OSBPL8: variants seen among roughly 807,000 people sequenced by gnomAD.
OSBPL8 encodes oxysterol-binding protein-related protein 8.
OSBPL8 carries 59 observed loss-of-function variants against 125.5 expected under a neutral mutation model. The ratio of observed to expected loss-of-function variants is 0.47; its 90% CI spans 0.38 to 0.58. The LOEUF (loss-of-function observed/expected upper bound fraction) is 0.58. Among genes scored for constraint, OSBPL8 ranks in the 20% least tolerant of loss-of-function variants. The pLI is 0.00. For synonymous variants in OSBPL8, 330 were observed against 338.9 expected (o/e 0.97, Z 0.29); for missense variants, 758 against 1,047.8 (o/e 0.72, Z 3.82).
chr12:76,445,638 G>A (rs1036483696), intron 4 of OSBPL8, among the ~76,000 whole-genome samples: 1 of 152,132 alleles, frequency 6.6e-6, no homozygotes, highest in South Asian at 2.1e-4. Flanking sequence ...CATCAGTAAT[G>A]AGGGAAATGT....
chr12:76,459,403 C>T (rs576175055), intron 3 of OSBPL8, among the ~76,000 whole-genome samples: 2 of 152,246 alleles, frequency 1.3e-5, no homozygotes, highest in East Asian at 3.9e-4. Context: ...TTCTAAATTC[C>T]TAAGGTAAAA....
chr12:76,386,231 C>T lies in OSBPL8; in HGVS notation c.1470G>A (p.Glu490=), dbSNP rs780000361. The change falls in exon 14 of 24, where the codon GAG becomes GAA. Residue 490 remains glutamate (E), a synonymous_variant. Transcript: ENST00000261183. Reference sequence around the variant, plus strand: ...GATGAATCCATAAACAACGGAAAGTCTCGCCAAGTATAGGATTATAAGGTT... The same window carrying T: ...GATGAATCCATAAACAACGGAAAGTTTCGCCAAGTATAGGATTATAAGGTT... ...LKKPYNPILG[E]TFRCLWIHPR... 1.2e-6 allele frequency: 2 copies of T among 1,609,648 alleles called. No homozygotes were observed. Among genetic ancestry groups the T allele is most frequent in the Non-Finnish European group, 8.5e-7 (1 of 1,178,708 alleles).
chr12:76,412,665 G>A (rs546092145), intron 4 of OSBPL8, among the ~76,000 whole-genome samples: 1 of 152,098 alleles, frequency 6.6e-6, no homozygotes, highest in Non-Finnish European at 1.5e-5. Flanking sequence ...GACACACTAT[G>A]CTATAGGTTT....
intron 2 of OSBPL8, among the ~76,000 whole-genome samples, chr12:76,463,168 A>T (rs1376404947): frequency 6.6e-6 from 1 of 152,210 alleles, no homozygotes; most frequent in Non-Finnish European, 1.5e-5. Context: ...GAGAGGGGGA[A>T]TCGTGGACCA....
At chr12:76,388,432 T>A (rs1183057649) in intron 12 of OSBPL8, among the ~76,000 whole-genome samples, 1 of 152,190 alleles carries the variant, frequency 6.6e-6, no homozygotes, top group Non-Finnish European at 1.5e-5. Flanking sequence ...GCCAGAAAAG[T>A]ACAATCTTTC....
intron 1 of OSBPL8, among the ~76,000 whole-genome samples, chr12:76,505,607 C>A (rs936573228): frequency 6.6e-6 from 1 of 151,984 alleles, no homozygotes; most frequent in Non-Finnish European, 1.5e-5. Flanking sequence ...CCTGGAAAGG[C>A]CTTTAGGCTT....
At chr12:76,383,969 G>T (rs1243641497) in intron 15 of OSBPL8, among the ~76,000 whole-genome samples, 1 of 152,078 alleles carries the variant, frequency 6.6e-6, no homozygotes, top group Non-Finnish European at 1.5e-5. Context: ...CAAAAAACTG[G>T]CCAGACTAAA....
At chr12:76,461,391 G>A (rs1288692563) in intron 2 of OSBPL8, among the ~76,000 whole-genome samples, 4 of 152,060 alleles carry the variant, frequency 2.6e-5, no homozygotes, top group Non-Finnish European at 4.4e-5. Flanking sequence ...TAGTGAGGTC[G>A]GCAAACACCA....
At chr12:76,448,180 CTAAA>C (rs1872944108) in intron 4 of OSBPL8, among the ~76,000 whole-genome samples, 1 of 151,968 alleles carries the variant, frequency 6.6e-6, no homozygotes, top group Non-Finnish European at 1.5e-5. Flanking sequence ...ACGCTGTACC[CTAAA>C]TAAATGAAAC....
At position 76,359,901 on chromosome 12, in the gene OSBPL8, C is replaced by T. The variant is rs368679639; in HGVS notation, c.2329-1090G>A. On this transcript the variant is annotated intron_variant, in intron 21 of 23. Transcript: ENST00000261183. ...AATTCAAGGTGAGATCCCACCAAGT[C>T]CCTCCCACAACACGTGGGAATTATG... Among the ~76,000 whole-genome samples the T allele has an allele frequency of 5.7e-4, 87 of 152,178 alleles. 2 individuals carry two copies. Among genetic ancestry groups the T allele is most frequent in the African/African-American group, 2.1e-3 (86 of 41,516 alleles).
intron 6 of OSBPL8, among the ~76,000 whole-genome samples, chr12:76,401,951 GACTACATTTTTAAAA>G (rs1322262521): frequency 2.0e-5 from 3 of 152,092 alleles, no homozygotes; most frequent in African/African-American, 7.2e-5. Flanking sequence ...ACCTATTAGT[GACTACATTTTTAAAA>G]ACTAACAAAA....
chr12:76,453,458 C>G (rs1006564556), intron 3 of OSBPL8, among the ~76,000 whole-genome samples: 1 of 152,010 alleles, frequency 6.6e-6, no homozygotes, highest in African/African-American at 2.4e-5. Context: ...ACATGGAGCT[C>G]AGATATACAA....
At chr12:76,547,292 T>C (rs1335684090) in intron 1 of OSBPL8, among the ~76,000 whole-genome samples, 7 of 152,194 alleles carry the variant, frequency 4.6e-5, no homozygotes, top group African/African-American at 1.2e-4. Context: ...TGTATTTAAA[T>C]TTATTTACCC....
intron 1 of OSBPL8, among the ~76,000 whole-genome samples, chr12:76,534,635 G>A (rs2137370318): frequency 6.6e-6 from 1 of 152,164 alleles, no homozygotes; most frequent in Middle Eastern, 3.4e-3. Context: ...CTCACAAAAA[G>A]AAACAAATGA....
intron 1 of OSBPL8, among the ~76,000 whole-genome samples, chr12:76,502,050 A>G (rs1879957196): frequency 6.6e-6 from 1 of 152,202 alleles, no homozygotes; most frequent in South Asian, 2.1e-4. Flanking sequence ...ATGTTCCCCA[A>G]CATCATGAAG....
At position 76,463,065 on chromosome 12, in the gene OSBPL8, T is replaced by C. The variant is rs533908502; in HGVS notation, c.43-3170A>G. Among the ~76,000 whole-genome samples, 9 of 152,330 alleles carry C rather than the reference T, an allele frequency of 5.9e-5. No homozygotes were observed. In the South Asian group the frequency reaches 1.9e-3, roughly 32 times the overall value. On this transcript the variant is annotated intron_variant, in intron 2 of 23. Transcript: ENST00000261183. Reference sequence around the variant, plus strand: ...TGAGAAGAGAATTGACACAGTCTGATTATGTTTTAACAGAATCACTCTGAT... The same window carrying C: ...TGAGAAGAGAATTGACACAGTCTGACTATGTTTTAACAGAATCACTCTGAT...
At chr12:76,509,349 G>T (rs1000136764) in intron 1 of OSBPL8, among the ~76,000 whole-genome samples, 2 of 152,140 alleles carry the variant, frequency 1.3e-5, no homozygotes, top group Non-Finnish European at 2.9e-5. Flanking sequence ...TATGCCTGTT[G>T]TTAAGTGACC....
intron 1 of OSBPL8, among the ~76,000 whole-genome samples, chr12:76,503,466 C>A (rs1239814996): frequency 3.3e-5 from 5 of 152,218 alleles, no homozygotes; most frequent in African/African-American, 1.2e-4. Flanking sequence ...CAAATACTGT[C>A]ACATTCTGAG....
At chr12:76,479,050 G>A (rs965105407) in intron 2 of OSBPL8, among the ~76,000 whole-genome samples, 1 of 152,182 alleles carries the variant, frequency 6.6e-6, no homozygotes, top group Non-Finnish European at 1.5e-5. Context: ...GACAGAGCGA[G>A]ACTCTGTCTC....
Sources: gnomAD v4.1 joint callset for allele counts (sites outside exome capture counted in the v4.1 genomes callset) on GRCh38, gnomAD v4.1.1 for gene constraint, MANE v1.5 for transcripts, NCBI Gene and HGNC (gene_info 2026-07-23, HGNC 2026-07-21) for gene names.